The following TENM1 variants were observed in gnomAD, a reference collection of about 807,000 sequenced individuals.
TENM1 encodes the protein teneurin transmembrane protein 1.
Under a neutral mutation model 174.8 loss-of-function variants are expected in TENM1, and 35 were observed. The ratio of observed to expected loss-of-function variants is 0.20; its 90% CI spans 0.15 to 0.27. The LOEUF is 0.27. TENM1 is among the 10% of genes least tolerant of loss of function. TENM1 has a pLI of 1.00. For missense variants in TENM1, 1,633 were observed against 2,130.1 expected, an observed-to-expected ratio of 0.77 and a Z score of 4.59; for synonymous variants, 781 against 798.7, an observed-to-expected ratio of 0.98 and a Z score of 0.37.
chrX:124,963,670 A>G lies in TENM1; in HGVS notation c.84T>C (p.Asp28=), dbSNP rs781496636. ...TTGGTTTTCTTCCATCTTCACTCTC[A>G]TCAGAAGAACTGGTGTAAGCTAGAT... is the stretch of plus-strand genomic sequence containing the variant. Residue 28 remains aspartate (D), a synonymous_variant, in exon 1 of 32, where the codon GAT becomes GAC. Transcript: ENST00000422452. The G allele has an allele frequency of 1.3e-5, 16 of 1,209,828 alleles. No homozygotes were observed. In the South Asian group the frequency reaches 1.8e-4, roughly 13 times the overall value.
chrX:124,737,094 C>G, exon 4 of TENM1: 2 of 1,210,581 alleles, frequency 1.7e-6, no homozygotes, highest in Non-Finnish European at 2.2e-6. Context: ...GAAGAGAGTC[C>G]GCTGCAGGGG....
chrX:125,179,847 C>T, the TENM1 span, among the ~76,000 whole-genome samples: 1 of 107,690 alleles, frequency 9.3e-6, no homozygotes, highest in Admixed American at 1.0e-4. Context: ...CACTGTTCAA[C>T]TCTGTCTCTT....
chrX:124,943,260 G>A (rs897422451), intron 1 of TENM1, among the ~76,000 whole-genome samples: 1 of 110,910 alleles, frequency 9.0e-6, no homozygotes, highest in African/African-American at 3.3e-5. Context: ...TCCAAAAGGG[G>A]GCAAATGGGA....
chrX:125,164,047 T>C, the TENM1 span, among the ~76,000 whole-genome samples: 2 of 111,896 alleles, frequency 1.8e-5, no homozygotes, highest in Admixed American at 1.9e-4. Context: ...TGAGTGTAAC[T>C]AACACATAGT....
intron 3 of TENM1, among the ~76,000 whole-genome samples, chrX:124,794,917 C>T (rs1343186400): frequency 9.0e-6 from 1 of 111,174 alleles, no homozygotes; most frequent in African/African-American, 3.3e-5. Flanking sequence ...AAGGGTCTTC[C>T]TGCCCTCACC....
At chrX:124,521,037 A>G (rs779727464) in intron 17 of TENM1, among the ~76,000 whole-genome samples, 3 of 111,763 alleles carry the variant, frequency 2.7e-5, no homozygotes, top group Non-Finnish European at 3.8e-5. Context: ...ATGCCAGGAA[A>G]GATTGTGTAA....
chrX:124,872,030 CA>C (rs748541890), intron 3 of TENM1, among the ~76,000 whole-genome samples: 2,378 of 35,266 alleles, frequency 0.067, 18 homozygotes, highest in Middle Eastern at 0.13. Context: ...GACTCTGTCT[CA>C]AAAAAAAAAA....
At chrX:124,845,928 T>C (rs1250674036) in intron 3 of TENM1, among the ~76,000 whole-genome samples, 1 of 110,286 alleles carries the variant, frequency 9.1e-6, no homozygotes, top group Non-Finnish European at 1.9e-5. Context: ...AAGCTTTGCG[T>C]GAATATGCAC....
chrX:124,393,946 A>C (rs2060308611), intron 27 of TENM1, among the ~76,000 whole-genome samples: 1 of 112,587 alleles, frequency 8.9e-6, no homozygotes, highest in African/African-American at 3.2e-5. Context: ...AACTTGTGCT[A>C]AGAATTAAAC....
chrX:124,899,015 TTAC>T (rs1254766080), intron 1 of TENM1, among the ~76,000 whole-genome samples: 1 of 111,893 alleles, frequency 8.9e-6, no homozygotes, highest in Non-Finnish European at 1.9e-5. Context: ...AAAGTTTCAC[TTAC>T]TTATAGTAAC....
At chrX:124,494,235 A>G (rs1404871067) in intron 20 of TENM1, among the ~76,000 whole-genome samples, 1 of 112,024 alleles carries the variant, frequency 8.9e-6, no homozygotes, top group East Asian at 2.8e-4. Context: ...GTCAATGTCT[A>G]TGCTCTTCTA....
intron 3 of TENM1, among the ~76,000 whole-genome samples, chrX:124,757,586 C>G (rs923133738): frequency 2.7e-5 from 3 of 112,495 alleles, no homozygotes; most frequent in Non-Finnish European, 5.6e-5. Context: ...TCTTCTGCGT[C>G]GCTCACGCTG....
chrX:124,693,336 A>G (rs2052573685), intron 5 of TENM1, among the ~76,000 whole-genome samples: 1 of 111,266 alleles, frequency 9.0e-6, no homozygotes, highest in African/African-American at 3.3e-5. Context: ...TTTAAATATT[A>G]GTTTTATTTC....
exon 22 of TENM1, chrX:124,481,953 G>T (rs746802326): frequency 6.0e-6 from 7 of 1,168,970 alleles, no homozygotes; most frequent in Non-Finnish European, 8.1e-6. Context: ...GTATTTGTGA[G>T]CAGGACTTGT....
the TENM1 span, among the ~76,000 whole-genome samples, chrX:125,070,727 G>T: frequency 2.7e-5 from 3 of 111,788 alleles, no homozygotes; most frequent in Admixed American, 2.9e-4. Context: ...AAGGGAAATA[G>T]ATGTATTCTG....
chrX:124,379,714 A>G (rs1272795833), exon 32 of TENM1: 10 of 112,311 alleles, frequency 8.9e-5, no homozygotes, highest in Non-Finnish European at 1.5e-4. Flanking sequence ...AACACATCCT[A>G]TATATAAATG....
chrX:125,116,783 G>A, the TENM1 span, among the ~76,000 whole-genome samples: 6 of 111,843 alleles, frequency 5.4e-5, no homozygotes, highest in Non-Finnish European at 9.4e-5. Context: ...AGGCCAATGC[G>A]GGTGGATCTC....
At chrX:125,078,407 A>G in the TENM1 span, among the ~76,000 whole-genome samples, 2 of 112,021 alleles carry the variant, frequency 1.8e-5, no homozygotes, top group East Asian at 5.6e-4. Context: ...ACTTGTTGCT[A>G]AACCTTTATG....
At chrX:124,947,911 ACT>A (rs1166172594) in intron 1 of TENM1, among the ~76,000 whole-genome samples, 1 of 111,926 alleles carries the variant, frequency 8.9e-6, no homozygotes, top group Non-Finnish European at 1.9e-5. Flanking sequence ...TTTCATTCTC[ACT>A]CTGAGTAGAC....
Sources: gnomAD v4.1 joint callset for allele counts (sites outside exome capture counted in the v4.1 genomes callset) on GRCh38, gnomAD v4.1.1 for gene constraint, MANE v1.5 for transcripts, NCBI Gene and HGNC (gene_info 2026-07-23, HGNC 2026-07-21) for gene names.